ANAPC1: variants seen among roughly 807,000 people sequenced by gnomAD.
ANAPC1 encodes the protein anaphase-promoting complex subunit 1.
A neutral mutation model predicts 208.0 loss-of-function variants in ANAPC1; 36 were observed. That is an observed-to-expected ratio of 0.17 (90% confidence interval 0.13 to 0.23). The LOEUF (loss-of-function observed/expected upper bound fraction) is 0.23, where lower values mean the gene tolerates loss of function less well. Ranked by LOEUF, ANAPC1 falls within the 10% of genes least tolerant of loss-of-function variation. The pLI, the probability that ANAPC1 is intolerant of heterozygous loss-of-function variation, is 1.00. For missense variants in ANAPC1, 942 were observed against 2,011.6 expected (o/e 0.47, Z 10.17); for synonymous variants, 378 against 695.2 (o/e 0.54, Z 7.18).
intron 3 of ANAPC1, among the ~76,000 whole-genome samples, chr2:111,877,700 C>T (rs1466875463): frequency 6.6e-6 from 1 of 152,132 alleles, no homozygotes; most frequent in Non-Finnish European, 1.5e-5. Context: ...GGGAGAATGG[C>T]ATGAACCTGG....
At chr2:111,817,727 T>C (rs1679313570) in intron 27 of ANAPC1, among the ~76,000 whole-genome samples, 1 of 140,744 alleles carries the variant, frequency 7.1e-6, no homozygotes, top group African/African-American at 2.6e-5. Context: ...TTATGTACTA[T>C]TTATCATATA....
intron 8 of ANAPC1, among the ~76,000 whole-genome samples, chr2:111,864,262 G>A (rs965558069): frequency 6.6e-6 from 1 of 151,566 alleles, no homozygotes; most frequent in African/African-American, 2.4e-5. Flanking sequence ...GGAGTTCAAG[G>A]CTGCAGTGAA....
intron 25 of ANAPC1, 53 bp from the exon 26 acceptor site, chr2:111,821,506 T>C: frequency 4.9e-6 from 7 of 1,416,226 alleles, no homozygotes; most frequent in South Asian, 1.2e-5. Context: ...TAACATGCAC[T>C]TGCTGAACAT....
chr2:111,878,150 A>T (rs1405728251), intron 3 of ANAPC1, among the ~76,000 whole-genome samples: 2 of 152,212 alleles, frequency 1.3e-5, no homozygotes, highest in Non-Finnish European at 2.9e-5. Context: ...ATATTCTTTC[A>T]ACCAACAGTG....
chr2:111,773,183 A>G (rs1226700313), intron 46 of ANAPC1, among the ~76,000 whole-genome samples: 1 of 152,158 alleles, frequency 6.6e-6, no homozygotes, highest in Non-Finnish European at 1.5e-5. Flanking sequence ...ATGAGATGCA[A>G]CTCGAGCCAG....
At chr2:111,871,136 T>G (rs1414052715) in intron 6 of ANAPC1, among the ~76,000 whole-genome samples, 1 of 152,194 alleles carries the variant, frequency 6.6e-6, no homozygotes, top group Non-Finnish European at 1.5e-5. Flanking sequence ...ACTTGTTCTT[T>G]TTGCTTAGGA....
intron 42 of ANAPC1, 48 bp from the exon 43 acceptor site, chr2:111,782,555 T>C (rs752220986): frequency 1.2e-6 from 2 of 1,610,192 alleles, no homozygotes; most frequent in Non-Finnish European, 1.7e-6. Flanking sequence ...TGGCAGTTCT[T>C]GGCTGGAAAT....
intron 28 of ANAPC1, among the ~76,000 whole-genome samples, chr2:111,813,175 C>G (rs1679078220): frequency 9.7e-6 from 1 of 103,100 alleles, no homozygotes; most frequent in Admixed American, 1.0e-4. Flanking sequence ...ACCAGAGCAG[C>G]CATTCCTGTT....
rs1680116964 is a variant in ANAPC1, at chr2:111,831,305, C to A, written c.2606G>T (p.Arg869Ile). Residue 869 changes from arginine (R) to isoleucine (I), a missense_variant, in exon 21 of 48, where the codon AGA becomes ATA. Transcript: ENST00000341068. ...PYPYLPGICERSRLVVLSIAL... is the reference protein window; with the variant it reads ...PYPYLPGICEISRLVVLSIAL... ...ACATACCAAGACTACAAGTCTGCTT[C>A]TTTCACAGATTCCAGGGAGGTAAGG... is the stretch of plus-strand genomic sequence containing the variant. 1 of 1,611,206 alleles carries A rather than the reference C, an allele frequency of 6.2e-7. No homozygotes were observed. The highest frequency in any genetic ancestry group is 1.7e-5 in the Admixed American group (1 of 59,850).
chr2:111,852,295 G>GGTTT (rs1681446440), intron 13 of ANAPC1, among the ~76,000 whole-genome samples: 1 of 146,628 alleles, frequency 6.8e-6, no homozygotes, highest in African/African-American at 2.5e-5. Context: ...TAGGTTTCTG[G>GGTTT]TTTGATTCCT....
intron 28 of ANAPC1, among the ~76,000 whole-genome samples, chr2:111,815,056 A>G (rs1430587986): frequency 1.4e-5 from 2 of 144,910 alleles, no homozygotes; most frequent in East Asian, 4.2e-4. Context: ...CTCTAGACTC[A>G]GCCTCGTGGC....
At chr2:111,873,711 A>G (rs1282233606) in intron 3 of ANAPC1, 47 bp from the exon 4 acceptor site, 1 of 1,524,628 alleles carries the variant, frequency 6.6e-7, no homozygotes, top group Non-Finnish European at 8.8e-7. Context: ...TATCTAAATA[A>G]TCATCTATTA....
intron 28 of ANAPC1, among the ~76,000 whole-genome samples, chr2:111,815,077 C>A (rs1369705507): frequency 6.8e-6 from 1 of 147,060 alleles, no homozygotes; most frequent in Non-Finnish European, 1.5e-5. Flanking sequence ...TGGCAACCCA[C>A]CTTCGGGTCC....
chr2:111,844,454 A>G (rs1205532353), intron 16 of ANAPC1, among the ~76,000 whole-genome samples: 1 of 151,730 alleles, frequency 6.6e-6, no homozygotes, highest in Non-Finnish European at 1.5e-5. Context: ...CTGTAATCCC[A>G]GCTACTCAGG....
At chr2:111,838,362 G>C in intron 18 of ANAPC1, 76 bp downstream of exon 18, 1 of 1,171,838 alleles carries the variant, frequency 8.5e-7, no homozygotes, top group South Asian at 1.7e-5. Context: ...GGAATTGATA[G>C]GAATACCACA....
intron 11 of ANAPC1, among the ~76,000 whole-genome samples, chr2:111,857,638 A>T (rs1435259303): frequency 6.6e-6 from 1 of 152,242 alleles, no homozygotes; most frequent in African/African-American, 2.4e-5. Context: ...GTGATTTCTT[A>T]AAAAGTTAAA....
chr2:111,865,529 T>A (rs976379789), intron 7 of ANAPC1, among the ~76,000 whole-genome samples: 1 of 152,160 alleles, frequency 6.6e-6, no homozygotes, highest in Non-Finnish European at 1.5e-5. Flanking sequence ...TACTGAAAAA[T>A]TTTAAAATAT....
At chr2:111,852,411 T>A (rs1681454316) in intron 13 of ANAPC1, among the ~76,000 whole-genome samples, 1 of 152,122 alleles carries the variant, frequency 6.6e-6, no homozygotes, top group African/African-American at 2.4e-5. Context: ...GCCAAAGTGT[T>A]GGGAAAAGAA....
chr2:111,834,672 C>A lies in ANAPC1; in HGVS notation c.2316G>T (p.Glu772Asp). ...CTCCCATTAGAGTATTCAACTTAAG[C>A]TCCTCATACACAAGGTGAAGAACGA... ...IFFVLHLVYEELKLNTLMGEG... is the reference protein window; with the variant it reads ...IFFVLHLVYEDLKLNTLMGEG... The change falls in exon 19 of 48, where the codon GAG becomes GAT. Residue 772 changes from glutamate (E) to aspartate (D), a missense_variant. Physicochemically the swap from Glu to Asp is conservative, Grantham distance 45 (BLOSUM62 2). Coordinates refer to ENST00000341068, the MANE Select transcript of ANAPC1 (RefSeq NM_022662.4). The A allele has an allele frequency of 6.2e-7, 1 of 1,613,430 alleles. No homozygotes were observed. Among genetic ancestry groups the A allele is most frequent in the Non-Finnish European group, 8.5e-7 (1 of 1,179,702 alleles).
Sources: gnomAD v4.1 joint callset for allele counts (sites outside exome capture counted in the v4.1 genomes callset) on GRCh38, gnomAD v4.1.1 for gene constraint, MANE v1.5 for transcripts, NCBI Gene and HGNC (gene_info 2026-07-23, HGNC 2026-07-21) for gene names.